The following KCNAB2 variants were observed in gnomAD, a reference collection of about 807,000 sequenced individuals.
KCNAB2 encodes the protein voltage-gated potassium channel subunit beta-2.
Under a neutral mutation model 63.6 loss-of-function variants are expected in KCNAB2, and 29 were observed. The ratio of observed to expected loss-of-function variants is 0.46; its 90% CI spans 0.34 to 0.62. KCNAB2 has a LOEUF of 0.62. Among genes scored for constraint, KCNAB2 ranks in the 20% least tolerant of loss-of-function variants. KCNAB2 has a pLI of 0.01. For missense variants in KCNAB2, 359 were observed against 563.9 expected (o/e 0.64, Z 3.68); for synonymous variants, 222 against 224.2 (o/e 0.99, Z 0.09).
chr1:6,049,925 A>C (rs1008912759), intron 1 of KCNAB2, among the ~76,000 whole-genome samples: 8 of 152,196 alleles, frequency 5.3e-5, no homozygotes, highest in Admixed American at 2.0e-4. Context: ...CTGGGTGCAC[A>C]TATAGGCAGA....
intron 10 of KCNAB2, among the ~76,000 whole-genome samples, chr1:6,093,832 C>T (rs927713125): frequency 1.3e-5 from 2 of 152,220 alleles, no homozygotes; most frequent in African/African-American, 2.4e-5. Flanking sequence ...AGCTCAGCCC[C>T]GAAGCCCTAT....
At position 6,092,030 on chromosome 1, in the gene KCNAB2, C is replaced by T. The variant is rs1041940421; in HGVS notation, c.646+723C>T. On this transcript the variant is annotated intron_variant, in intron 10 of 15. Transcript: ENST00000378083. The stretch of plus-strand genomic sequence containing the variant: ...CCACCCCAAGGGCAGGTGTCGATCT[C>T]CCTGGGCCTGGGCCCCTGTCTGCCA... Among the ~76,000 whole-genome samples the T allele has an allele frequency of 2.0e-5, 3 of 152,348 alleles. No homozygotes were observed. In the East Asian group the frequency reaches 5.8e-4, roughly 29 times the overall value.
At chr1:6,083,444 C>G (rs1484822336) in intron 5 of KCNAB2, among the ~76,000 whole-genome samples, 1 of 152,214 alleles carries the variant, frequency 6.6e-6, no homozygotes, top group Non-Finnish European at 1.5e-5. Flanking sequence ...TCCATGTTCC[C>G]CTGTTTAACT....
upstream of KCNAB2, among the ~76,000 whole-genome samples, chr1:6,033,412 G>A (rs188213648): frequency 4.7e-4 from 71 of 151,330 alleles, 1 homozygote; most frequent in Admixed American, 3.4e-3. Flanking sequence ...GCCTGTATGT[G>A]TGCATGTCTG....
At chr1:6,045,365 A>G (rs1660830219), upstream of KCNAB2, among the ~76,000 whole-genome samples, 1 of 152,174 alleles carries the variant, frequency 6.6e-6, no homozygotes, top group South Asian at 2.1e-4. This position sits in a 1 kb window ranked among gnomAD's most constrained non-coding sequence, Gnocchi z 4.8. Flanking sequence ...GGGGCTCAGC[A>G]CTTAGCCTCA....
In KCNAB2 at chr1:6,035,094, G is replaced by T. The variant is rs192897251; in HGVS notation, c.-53+300G>T. Among the ~76,000 whole-genome samples, 1 of 152,276 alleles carries T rather than the reference G, an allele frequency of 6.6e-6. No individual in the cohort carries two copies. Among genetic ancestry groups the T allele is most frequent in the East Asian group, 1.9e-4 (1 of 5,168 alleles). On this transcript the variant is annotated intron_variant, in intron 1 of 15. Coordinates refer to the KCNAB2 transcript ENST00000164247. The surrounding 1 kb of genome is among the most constrained non-coding windows in gnomAD (Gnocchi z 5.0). ...GTGACCTTGGCATAAAGAGGCAAAC[G>T]TGGGAGCATGCTCAGGCAGACCACG...
At chr1:6,017,117 T>C (rs917434426) in intron 1 of KCNAB2, among the ~76,000 whole-genome samples, 3 of 151,570 alleles carry the variant, frequency 2.0e-5, no homozygotes, top group African/African-American at 7.3e-5. Flanking sequence ...AGAGGAAAAG[T>C]CCTAGACTCA....
intron 7 of KCNAB2, 152 bp from the exon 8 acceptor site, chr1:6,088,856 C>A: frequency 1.5e-6 from 1 of 670,996 alleles, no homozygotes; most frequent in South Asian, 1.8e-5. Context: ...AGCCCTGTAG[C>A]CTCGGGTCCC....
chr1:6,090,586 C>A, intron 9 of KCNAB2, 111 bp downstream of exon 9: 1 of 771,042 alleles, frequency 1.3e-6, no homozygotes, highest in Admixed American at 2.4e-5. Flanking sequence ...CCGGGTGAGC[C>A]GTGAGAGGAG....
At position 6,051,123 on chromosome 1, in the gene KCNAB2, G is replaced by A. The variant is rs148174045; in HGVS notation, c.-26-388G>A. Among the ~76,000 whole-genome samples the A allele has an allele frequency of 1.2e-4, 18 of 152,298 alleles. No individual in the cohort carries two copies. In the East Asian group the frequency reaches 1.9e-3, roughly 16 times the overall value. ...CAAGAGACCACCATGACATGGTACC[G>A]CAGTCACCACGGAACAGCAACCCTG... On this transcript the variant is annotated intron_variant, in intron 1 of 15. Coordinates refer to ENST00000378083, the MANE Select transcript of KCNAB2 (RefSeq NM_001199862.2).
rs527310239 is a variant in KCNAB2 at position 6,055,107 on chromosome 1, C to A, written c.218+3353C>A. Among the ~76,000 whole-genome samples the A allele has an allele frequency of 2.6e-5, 4 of 152,320 alleles. No homozygotes were observed. The South Asian group carries it at 6.2e-4, about 24-fold the overall frequency. ...GTGTTTGGAGGGAACACTGCCCACA[C>A]CTGGACTTCAGACTCCAGAAGTGGG... On this transcript the variant is annotated intron_variant, in intron 2 of 15. Transcript: ENST00000378083.
chr1:6,039,110 G>A (rs927534303), intron 1 of KCNAB2, among the ~76,000 whole-genome samples: 2 of 152,204 alleles, frequency 1.3e-5, no homozygotes, highest in Non-Finnish European at 2.9e-5. Flanking sequence ...GAGCAGCAGG[G>A]ACCCCTGAGC....
At chr1:6,061,945 C>T (rs1662353041) in intron 2 of KCNAB2, among the ~76,000 whole-genome samples, 1 of 152,152 alleles carries the variant, frequency 6.6e-6, no homozygotes, top group Admixed American at 6.5e-5. Context: ...CACTAGATGA[C>T]CAGGCAGTGA....
At chr1:6,048,647 G>A (rs1240825965) in intron 1 of KCNAB2, among the ~76,000 whole-genome samples, 2 of 152,248 alleles carry the variant, frequency 1.3e-5, no homozygotes, top group Non-Finnish European at 2.9e-5. Flanking sequence ...AGCCTGGTCG[G>A]GCCAGGCAGG....
rs866352760 is a variant in KCNAB2, at chr1:6,069,420, G to A, written c.219-3335G>A. On this transcript the variant is annotated intron_variant, in intron 2 of 15. Transcript: ENST00000378083. This position sits in a 1 kb window ranked among gnomAD's most constrained non-coding sequence, Gnocchi z 5.4. ...CAGTTTTTAGGGGTGTGCAGCAGCC[G>A]GGGGCTCCACGATGGGCATCAGTGC... 2.0e-5 allele frequency among the ~76,000 whole-genome samples: 3 copies of A among 152,122 alleles called. No homozygotes were observed. The highest frequency in any genetic ancestry group is 6.5e-5 in the Admixed American group (1 of 15,280).
chr1:6,056,337 G>A (rs1036219178), intron 2 of KCNAB2, among the ~76,000 whole-genome samples: 6 of 152,102 alleles, frequency 3.9e-5, no homozygotes, highest in South Asian at 2.1e-4. Context: ...GAGCCACCGC[G>A]CCCGGCCTAC....
chr1:6,027,324 T>G (rs1659267711), intron 1 of KCNAB2: 1 of 152,914 alleles, frequency 6.5e-6, no homozygotes, highest in Non-Finnish European at 1.4e-5. Flanking sequence ...CTATGGGGAC[T>G]GAACTGTCGA....
upstream of KCNAB2, chr1:6,041,708 G>GC (rs1213104987): frequency 9.8e-6 from 8 of 819,358 alleles, no homozygotes; most frequent in East Asian, 2.5e-5. Context: ...ACTGGTGGGG[G>GC]CCCGGGGGCA....
intron 2 of KCNAB2, among the ~76,000 whole-genome samples, chr1:6,067,861 C>T (rs1662882941): frequency 6.6e-6 from 1 of 152,118 alleles, no homozygotes; most frequent in African/African-American, 2.4e-5. Flanking sequence ...GAAACCCTGT[C>T]TCTACCAAAA....
Sources: allele counts gnomAD v4.1 joint callset (sites outside exome capture counted in the v4.1 genomes callset), GRCh38; gene constraint gnomAD v4.1.1; non-coding constraint Gnocchi (gnomAD v3.1); transcripts MANE v1.5; gene names NCBI Gene and HGNC (gene_info 2026-07-23, HGNC 2026-07-21).